Variants in IKZF3 observed in about 807,000 individuals in gnomAD.
IKZF3 encodes zinc finger protein Aiolos.
A neutral mutation model predicts 49.0 loss-of-function variants in IKZF3; 10 were observed. The ratio of observed to expected loss-of-function variants is 0.20; its 90% CI spans 0.13 to 0.35. The LOEUF (loss-of-function observed/expected upper bound fraction) is 0.35, where lower values mean the gene tolerates loss of function less well. IKZF3 is among the 10% of genes least tolerant of loss of function. IKZF3 has a pLI of 1.00. For synonymous variants in IKZF3, 209 were observed against 228.2 expected, an observed-to-expected ratio of 0.92 and a Z score of 0.76; for missense variants, 498 against 664.8, an observed-to-expected ratio of 0.75 and a Z score of 2.76.
intron 7 of IKZF3, among the ~76,000 whole-genome samples, chr17:39,768,182 G>A (rs938243717): frequency 6.6e-6 from 1 of 152,164 alleles, no homozygotes; most frequent in African/African-American, 2.4e-5. Context: ...TAACATACAG[G>A]CATCGGTGAG....
At chr17:39,808,094 T>C (rs769795095) in intron 3 of IKZF3, among the ~76,000 whole-genome samples, 3 of 152,202 alleles carry the variant, frequency 2.0e-5, no homozygotes, top group Non-Finnish European at 4.4e-5. Flanking sequence ...GCTCTGATAC[T>C]GACTCTGATA....
chr17:39,796,546 T>C (rs1225583945), intron 3 of IKZF3, among the ~76,000 whole-genome samples: 1 of 149,854 alleles, frequency 6.7e-6, no homozygotes, highest in Admixed American at 6.6e-5. Flanking sequence ...TCCTTTCTTT[T>C]TTTTTTTTTT....
intron 3 of IKZF3, 104 bp from the exon 4 acceptor site, chr17:39,793,037 G>T: frequency 8.6e-7 from 1 of 1,157,196 alleles, no homozygotes; most frequent in Non-Finnish European, 1.2e-6. Flanking sequence ...ACCAATCGAA[G>T]CTAACAAAAC....
At chr17:39,795,898 T>C (rs1275905668) in intron 3 of IKZF3, among the ~76,000 whole-genome samples, 1 of 150,968 alleles carries the variant, frequency 6.6e-6, no homozygotes, top group African/African-American at 2.4e-5. Flanking sequence ...ACTAAAAATA[T>C]AGAAAATTAG....
chr17:39,847,576 T>C (rs2062672057), intron 1 of IKZF3, among the ~76,000 whole-genome samples: 1 of 152,202 alleles, frequency 6.6e-6, no homozygotes, highest in Non-Finnish European at 1.5e-5. Flanking sequence ...ATAGCTCAGA[T>C]GTTACCACCC....
chr17:39,819,413 G>C (rs1279091436), intron 3 of IKZF3, among the ~76,000 whole-genome samples: 1 of 152,076 alleles, frequency 6.6e-6, no homozygotes, highest in African/African-American at 2.4e-5. Context: ...TTCTGAGTGA[G>C]ACTCCATGGA....
rs144922838 is a variant in IKZF3 at position 39,771,263 on chromosome 17, A to G, written c.827-4770T>C. Reference sequence around the variant, plus strand: ...CTTAGTGGCAGCAACTGCTTTTTCCACATGGACCAGCACATGCACTCAAGA... The same window carrying G: ...CTTAGTGGCAGCAACTGCTTTTTCCGCATGGACCAGCACATGCACTCAAGA... On this transcript the variant is annotated intron_variant, in intron 7 of 7. Transcript: ENST00000346872. 4.2e-3 allele frequency among the ~76,000 whole-genome samples: 644 copies of G among 152,320 alleles called. 4 individuals carry two copies. The highest frequency in any genetic ancestry group is 0.014 in the African/African-American group (601 of 41,584).
chr17:39,813,973 C>T (rs760909600), intron 3 of IKZF3, among the ~76,000 whole-genome samples: 2 of 152,228 alleles, frequency 1.3e-5, no homozygotes, highest in African/African-American at 2.4e-5. Context: ...TCCAGCCACC[C>T]TTCTTCACAC....
intron 6 of IKZF3, among the ~76,000 whole-genome samples, chr17:39,778,487 T>C (rs1461947582): frequency 1.3e-5 from 2 of 152,188 alleles, no homozygotes; most frequent in Non-Finnish European, 2.9e-5. Context: ...CTGTATTGAA[T>C]TTCTAATAAA....
chr17:39,801,366 G>GA (rs2061312884), intron 3 of IKZF3, among the ~76,000 whole-genome samples: 1 of 136,058 alleles, frequency 7.3e-6, no homozygotes, highest in African/African-American at 2.7e-5. Flanking sequence ...GGTGGGGGGG[G>GA]GCTTTTCTAG....
intron 3 of IKZF3, among the ~76,000 whole-genome samples, chr17:39,799,981 C>T (rs115724422): frequency 0.011 from 1,619 of 152,264 alleles, 32 homozygotes; most frequent in African/African-American, 0.036. Flanking sequence ...AACACTGTCC[C>T]GCTGATTAAC....
intron 1 of IKZF3, among the ~76,000 whole-genome samples, chr17:39,855,287 G>C (rs978262696): frequency 2.6e-5 from 4 of 152,130 alleles, no homozygotes; most frequent in Non-Finnish European, 4.4e-5. Flanking sequence ...CCTAACTCTT[G>C]TTGAAATGTG....
intron 3 of IKZF3, among the ~76,000 whole-genome samples, chr17:39,819,079 GTATGGGTTCCTAACAA>G (rs1452274214): frequency 2.1e-4 from 32 of 152,244 alleles, no homozygotes; most frequent in African/African-American, 7.5e-4. Flanking sequence ...CGATACTATT[GTATGGGTTCCTAACAA>G]GGTGCTTCAC....
intron 7 of IKZF3, among the ~76,000 whole-genome samples, chr17:39,770,647 T>C (rs1413175703): frequency 1.3e-5 from 2 of 151,830 alleles, no homozygotes; most frequent in East Asian, 3.8e-4. Flanking sequence ...CCCTAATATG[T>C]TTACTTCTGG....
intron 3 of IKZF3, among the ~76,000 whole-genome samples, chr17:39,797,995 G>A (rs2061214479): frequency 6.6e-6 from 1 of 151,898 alleles, no homozygotes; most frequent in Non-Finnish European, 1.5e-5. Flanking sequence ...TATCTTCCCA[G>A]TTACTCAGGC....
intron 7 of IKZF3, among the ~76,000 whole-genome samples, chr17:39,775,887 G>A (rs2056672009): frequency 6.7e-6 from 1 of 149,858 alleles, no homozygotes; most frequent in South Asian, 2.1e-4. Context: ...TCGCGCCATT[G>A]CACCCCAGCC....
At chr17:39,769,160 G>A (rs2060371445) in intron 7 of IKZF3, among the ~76,000 whole-genome samples, 1 of 152,216 alleles carries the variant, frequency 6.6e-6, no homozygotes, top group Non-Finnish European at 1.5e-5. Context: ...AAAAGATAAT[G>A]CATGGTAGGA....
At chr17:39,861,720 A>G (rs1031116455) in intron 1 of IKZF3, among the ~76,000 whole-genome samples, 1 of 152,178 alleles carries the variant, frequency 6.6e-6, no homozygotes, top group African/African-American at 2.4e-5. Context: ...AGCTGACATC[A>G]AGAAGGAGAC....
intron 3 of IKZF3, among the ~76,000 whole-genome samples, chr17:39,807,293 T>G (rs2061450800): frequency 6.6e-6 from 1 of 151,936 alleles, no homozygotes; most frequent in Admixed American, 6.6e-5. Context: ...TATGTCCACA[T>G]AAAGACTTGT....
Sources: gnomAD v4.1 joint callset for allele counts (sites outside exome capture counted in the v4.1 genomes callset) on GRCh38, gnomAD v4.1.1 for gene constraint, MANE v1.5 for transcripts, NCBI Gene and HGNC (gene_info 2026-07-23, HGNC 2026-07-21) for gene names.